The following AFF3 variants were observed in gnomAD, a reference collection of about 807,000 sequenced individuals.
The protein encoded by AFF3 is AF4/FMR2 family member 3.
AFF3 carries 32 observed loss-of-function variants against 129.7 expected under a neutral mutation model. The observed-to-expected ratio is 0.25, with a 90% CI of 0.19 to 0.33. The LOEUF is 0.33. Among genes scored for constraint, AFF3 ranks in the 10% least tolerant of loss-of-function variants. The pLI, the probability that AFF3 is intolerant of heterozygous loss-of-function variation, is 1.00. For synonymous variants in AFF3, 644 were observed against 635.4 expected, an observed-to-expected ratio of 1.01 and a Z score of -0.20; for missense variants, 1,373 against 1,592.0, an observed-to-expected ratio of 0.86 and a Z score of 2.34.
At chr2:100,133,024 G>A (rs1431151134) in intron 1 of AFF3, among the ~76,000 whole-genome samples, 1 of 151,376 alleles carries the variant, frequency 6.6e-6, no homozygotes, top group South Asian at 2.1e-4. Context: ...AACTCTTGGG[G>A]CTCAAGTGAT....
chr2:99,661,342 TG>T (rs1307847747), intron 12 of AFF3, among the ~76,000 whole-genome samples: 3 of 152,240 alleles, frequency 2.0e-5, no homozygotes, highest in Admixed American at 6.5e-5. Context: ...TTGGTGGTAT[TG>T]ATACCCACCA....
intron 8 of AFF3, among the ~76,000 whole-genome samples, chr2:99,797,037 C>T (rs1685599842): frequency 6.6e-6 from 1 of 151,942 alleles, no homozygotes; most frequent in Non-Finnish European, 1.5e-5. Context: ...TGTAGAAACA[C>T]AAAAAAGCAA....
chr2:100,052,191 T>G (rs920140842), intron 4 of AFF3, among the ~76,000 whole-genome samples: 2 of 152,236 alleles, frequency 1.3e-5, no homozygotes, highest in Non-Finnish European at 2.9e-5. Flanking sequence ...CCAAAGAACC[T>G]TAATCTAGGG....
intron 7 of AFF3, among the ~76,000 whole-genome samples, chr2:99,904,098 T>C (rs897356759): frequency 2.0e-5 from 3 of 152,136 alleles, no homozygotes; most frequent in African/African-American, 7.2e-5. Flanking sequence ...AACTGGAAAC[T>C]AGATACGTCA....
intron 13 of AFF3, among the ~76,000 whole-genome samples, chr2:99,631,857 G>C (rs1464466913): frequency 6.6e-6 from 1 of 151,940 alleles, no homozygotes; most frequent in Admixed American, 6.6e-5. Context: ...AATTCTTTTG[G>C]GTAATAACCA....
intron 15 of AFF3, among the ~76,000 whole-genome samples, chr2:99,591,237 A>G (rs1259520115): frequency 1.3e-5 from 2 of 151,970 alleles, no homozygotes; most frequent in African/African-American, 4.8e-5. Flanking sequence ...CCTAGGCTGG[A>G]GTGCAGTGGC....
At chr2:100,060,235 T>C (rs909730284) in intron 4 of AFF3, among the ~76,000 whole-genome samples, 4 of 152,198 alleles carry the variant, frequency 2.6e-5, no homozygotes, top group Non-Finnish European at 4.4e-5. Context: ...GTCCTGGTGC[T>C]ACAACAGAGA....
At chr2:99,936,820 T>TC (rs1188555087) in intron 7 of AFF3, among the ~76,000 whole-genome samples, 2 of 152,174 alleles carry the variant, frequency 1.3e-5, no homozygotes, top group African/African-American at 2.4e-5. Flanking sequence ...TTGTCATGCA[T>TC]TTTTCCCCCC....
At chr2:99,818,746 A>C (rs1448306332) in intron 8 of AFF3, among the ~76,000 whole-genome samples, 1 of 152,214 alleles carries the variant, frequency 6.6e-6, no homozygotes, top group Non-Finnish European at 1.5e-5. Flanking sequence ...CATGATCTAC[A>C]TGATTTTAAA....
intron 2 of AFF3, among the ~76,000 whole-genome samples, chr2:100,121,490 G>A (rs1247027365): frequency 6.6e-6 from 1 of 152,206 alleles, no homozygotes; most frequent in East Asian, 1.9e-4. Context: ...AACTAGCTCT[G>A]TACACTGCCA....
At chr2:99,986,232 A>G (rs1392828045) in intron 7 of AFF3, among the ~76,000 whole-genome samples, 1 of 147,988 alleles carries the variant, frequency 6.8e-6, no homozygotes, top group African/African-American at 2.5e-5. Flanking sequence ...TAATAATAAT[A>G]ATAATAATAA....
intron 7 of AFF3, among the ~76,000 whole-genome samples, chr2:99,907,159 T>G (rs753117416): frequency 6.6e-6 from 1 of 152,184 alleles, no homozygotes; most frequent in Non-Finnish European, 1.5e-5. Flanking sequence ...AAGCTGGGCC[T>G]CTTTTTATCC....
At chr2:99,956,483 C>T (rs541155700) in intron 7 of AFF3, among the ~76,000 whole-genome samples, 8 of 152,148 alleles carry the variant, frequency 5.3e-5, no homozygotes, top group Non-Finnish European at 1.0e-4. Flanking sequence ...TAAGCATAAG[C>T]TGACTGACAC....
intron 12 of AFF3, among the ~76,000 whole-genome samples, chr2:99,658,693 GGTCTCAGAGCCAGTAA>G (rs1442795702): frequency 1.3e-5 from 2 of 152,152 alleles, no homozygotes; most frequent in Non-Finnish European, 2.9e-5. Flanking sequence ...GCTTGCCTGT[GGTCTCAGAGCCAGTAA>G]GTAAAGGAAC....
At chr2:100,105,232 C>A in intron 3 of AFF3, 1 of 975,758 alleles carries the variant, frequency 1.0e-6, no homozygotes, top group African/African-American at 1.7e-5. Context: ...CCCTGCTGGG[C>A]GCTCCCGCGG....
At chr2:99,952,221 C>G (rs182008762) in intron 7 of AFF3, among the ~76,000 whole-genome samples, 1 of 152,248 alleles carries the variant, frequency 6.6e-6, no homozygotes, top group Admixed American at 6.5e-5. Context: ...ATTGCAAGAT[C>G]TAGTTATCTA....
chr2:100,132,290 C>A (rs979809310), intron 1 of AFF3, among the ~76,000 whole-genome samples: 10 of 152,146 alleles, frequency 6.6e-5, no homozygotes, highest in African/African-American at 2.2e-4. Flanking sequence ...CATATGAATA[C>A]ATATGTTAAA....
At chr2:99,580,235 G>C (rs1049154846) in intron 17 of AFF3, among the ~76,000 whole-genome samples, 2 of 151,988 alleles carry the variant, frequency 1.3e-5, no homozygotes, top group Non-Finnish European at 1.5e-5. Flanking sequence ...TAGAGATCTC[G>C]CATCAGGGGT....
intron 9 of AFF3, among the ~76,000 whole-genome samples, chr2:99,749,175 T>C (rs1229499313): frequency 6.6e-6 from 1 of 152,240 alleles, no homozygotes; most frequent in Non-Finnish European, 1.5e-5. Flanking sequence ...AACTATGTGA[T>C]ATATAACTTG....
Sources: allele counts gnomAD v4.1 joint callset (sites outside exome capture counted in the v4.1 genomes callset), GRCh38; gene constraint gnomAD v4.1.1; transcripts MANE v1.5; gene names NCBI Gene and HGNC (gene_info 2026-07-23, HGNC 2026-07-21).